The following POLI variants were observed in gnomAD, a reference collection of about 807,000 sequenced individuals.
POLI encodes the protein DNA polymerase iota.
Under a neutral mutation model 51.6 loss-of-function variants are expected in POLI, and 58 were observed. The ratio of observed to expected loss-of-function variants is 1.12; its 90% CI spans 0.91 to 1.40. The LOEUF (loss-of-function observed/expected upper bound fraction) is 1.40, where lower values mean the gene tolerates loss of function less well. Among genes scored for constraint, POLI ranks in the 40% most tolerant of loss-of-function variants. POLI has a pLI of 0.00. For synonymous variants in POLI, 322 were observed against 299.7 expected (o/e 1.07, Z -0.77); for missense variants, 921 against 871.3 (o/e 1.06, Z -0.72).
intron 8 of POLI, among the ~76,000 whole-genome samples, chr18:54,290,199 A>G (rs907446045): frequency 3.9e-5 from 6 of 152,248 alleles, no homozygotes; most frequent in African/African-American, 7.2e-5. Context: ...AAAAGAAGAC[A>G]TTTATGCTGC....
At chr18:54,298,700 C>T (rs1367601662), downstream of POLI, among the ~76,000 whole-genome samples, 1 of 148,814 alleles carries the variant, frequency 6.7e-6, no homozygotes, top group Non-Finnish European at 1.5e-5. Flanking sequence ...AAGTGATTCT[C>T]CTGCCTCAGC....
chr18:54,283,945 TA>T lies in POLI; in HGVS notation c.1005del (p.Lys335AsnfsTer20), dbSNP rs1555673456. ...AGTCCTTTAGTGAAGAAGATTCATT[TA>T]AAAAATGTTCATCTGAAGTTGAAGC... ...PQSFSEEDSF[K>X]KCSSEVEAKN... On this transcript the variant is annotated frameshift_variant, in exon 7 of 10. Coordinates refer to ENST00000579534, the MANE Select transcript of POLI (RefSeq NM_007195.3). LOFTEE classifies it high-confidence loss of function. The T allele has an allele frequency of 4.3e-6, 6 of 1,406,158 alleles. No homozygotes were observed. Among genetic ancestry groups the T allele is most frequent in the Non-Finnish European group, 6.0e-6 (6 of 1,000,606 alleles). 87.1% of individuals were successfully genotyped at this position (1,406,158 alleles called of 1,614,324 possible).
intron 7 of POLI, among the ~76,000 whole-genome samples, chr18:54,284,339 A>C (rs898666892): frequency 2.6e-5 from 4 of 152,208 alleles, no homozygotes; most frequent in African/African-American, 7.2e-5. Flanking sequence ...TGAGAAGAAG[A>C]AGTTTTAATT....
At chr18:54,286,396 T>C (rs558441922) in intron 7 of POLI, among the ~76,000 whole-genome samples, 107 of 152,258 alleles carry the variant, frequency 7.0e-4, no homozygotes, top group Middle Eastern at 3.4e-3. Context: ...TTCTAAAAAA[T>C]GCATGTACTC....
Position 54,287,330 on chromosome 18 carries a change from C to A in POLI, c.1117C>A (p.Arg373=). The A allele has an allele frequency of 1.3e-6, 2 of 1,588,824 alleles. No individual in the cohort carries two copies. The highest frequency in any genetic ancestry group is 1.7e-6 in the Non-Finnish European group (2 of 1,162,608). Residue 373 remains arginine, a synonymous_variant, in exon 8 of 10, where the codon CGG becomes AGG. Transcript: ENST00000579534. ...KPHTVRLIIR[R]YSSEKHYGRE... Reference sequence around the variant, plus strand: ...TCATACAGTGAGATTAATAATCCGTCGGTATTCCTCTGAGAAGCACTATGG... The same window carrying A: ...TCATACAGTGAGATTAATAATCCGTAGGTATTCCTCTGAGAAGCACTATGG...
chr18:54,270,023 T>C (rs935222913), intron 1 of POLI: 39 of 1,016,218 alleles, frequency 3.8e-5, no homozygotes, highest in Non-Finnish European at 4.4e-5. Context: ...TGTCGCTCAT[T>C]TGGCAGAAGG....
chr18:54,285,487 C>T (rs1224871459), intron 7 of POLI, among the ~76,000 whole-genome samples: 2 of 149,684 alleles, frequency 1.3e-5, no homozygotes, highest in African/African-American at 4.9e-5. Context: ...ATTATAACAC[C>T]ATCTAAGTGA....
Position 54,295,319 on chromosome 18 carries a change from A to T in POLI, c.*852A>T. The T allele has an allele frequency of 1.0e-6, 1 of 985,082 alleles. No individual in the cohort carries two copies. The highest frequency in any genetic ancestry group is 1.2e-6 in the Non-Finnish European group (1 of 829,588). The allele number at this position is 985,082 out of a possible 1,614,324, so 61.0% of individuals were successfully genotyped here. On this transcript the variant is annotated 3_prime_UTR_variant, in exon 10 of 10. Transcript: ENST00000579534. ...GGAGATGATATTAGGTTGTCATAAC[A>T]ACCACAAATATAGACCATTACTAAA...
chr18:54,278,948 C>A (rs2087371683), intron 4 of POLI, among the ~76,000 whole-genome samples: 1 of 152,174 alleles, frequency 6.6e-6, no homozygotes, highest in South Asian at 2.1e-4. Flanking sequence ...GCAGTAGAAC[C>A]ACAGTTTCTA....
chr18:54,287,248 A>G (rs1265368849), intron 7 of POLI, 33 bp from the exon 8 acceptor site: 1 of 1,460,544 alleles, frequency 6.8e-7, no homozygotes, highest in African/African-American at 1.4e-5. Flanking sequence ...ATACTTTTCT[A>G]ATTCCTTATT....
chr18:54,280,466 C>A (rs376770127), intron 4 of POLI, among the ~76,000 whole-genome samples: 12 of 152,092 alleles, frequency 7.9e-5, no homozygotes, highest in African/African-American at 2.7e-4. Flanking sequence ...CCCATTTGAC[C>A]CCACCTCCAA....
chr18:54,287,221 C>T, intron 7 of POLI, 60 bp from the exon 8 acceptor site: 2 of 1,224,072 alleles, frequency 1.6e-6, no homozygotes, highest in East Asian at 2.6e-5. Flanking sequence ...TGAGATGTTA[C>T]ATAATTTAAA....
At chr18:54,292,095 G>A (rs1202664485) in intron 9 of POLI, 57 bp downstream of exon 9, 4 of 1,033,412 alleles carry the variant, frequency 3.9e-6, no homozygotes, top group Admixed American at 2.1e-5. Context: ...GATTTGTGTG[G>A]TTACATTACA....
rs765506494 is a variant in POLI at position 54,269,566 on chromosome 18, A to G, written c.20A>G (p.Glu7Gly). 6 of 1,486,026 alleles carry G rather than the reference A, an allele frequency of 4.0e-6. No individual in the cohort carries two copies. The highest frequency in any genetic ancestry group is 3.5e-5 in the African/African-American group (2 of 56,466). 92.1% of individuals were successfully genotyped at this position (1,486,026 alleles called of 1,614,324 possible). A position where few individuals can be genotyped will look rare whatever the true frequency, so the allele number is the denominator to read the frequency against. The stretch of plus-strand genomic sequence containing the variant: ...GGCGGGATGGAGAAGCTGGGGGTGG[A>G]GCCGGAGGAGGAAGGCGGCGGCGAC... MEKLGVEPEEEGGGDDD... is the reference protein window; with the variant it reads MEKLGVGPEEEGGGDDD... Residue 7 changes from glutamate to glycine, a missense_variant, in exon 1 of 10, where the codon GAG becomes GGG. Physicochemically the swap from Glu to Gly is moderately conservative, Grantham distance 98. Transcript: ENST00000579534.
chr18:54,311,421 T>A (rs1437675123), intron 3 of POLI, among the ~76,000 whole-genome samples: 1 of 152,218 alleles, frequency 6.6e-6, no homozygotes, highest in Admixed American at 6.5e-5. Flanking sequence ...TATTGAATTT[T>A]AAAAAGTGGT....
At chr18:54,313,191 T>C (rs2088691828) in intron 3 of POLI, among the ~76,000 whole-genome samples, 1 of 152,202 alleles carries the variant, frequency 6.6e-6, no homozygotes, top group Admixed American at 6.5e-5. Context: ...CCCAGCACCA[T>C]GTATTGAATA....
At chr18:54,286,560 A>G (rs900576053) in intron 7 of POLI, among the ~76,000 whole-genome samples, 2 of 152,130 alleles carry the variant, frequency 1.3e-5, no homozygotes, top group East Asian at 1.9e-4. Context: ...TCGTAAGAAA[A>G]AAGTTTGAAA....
At chr18:54,318,043 G>A (rs2088756293) in intron 3 of POLI, among the ~76,000 whole-genome samples, 3 of 152,038 alleles carry the variant, frequency 2.0e-5, no homozygotes, top group East Asian at 1.9e-4. Flanking sequence ...GAACCTGGGT[G>A]TTTTATAATA....
chr18:54,302,128 C>T (rs1405781173), downstream of POLI, among the ~76,000 whole-genome samples: 1 of 152,076 alleles, frequency 6.6e-6, no homozygotes, highest in South Asian at 2.1e-4. Context: ...TCCTGATGTC[C>T]GTATCATTAG....
Sources: allele counts gnomAD v4.1 joint callset (sites outside exome capture counted in the v4.1 genomes callset), GRCh38; gene constraint gnomAD v4.1.1; transcripts MANE v1.5; gene names NCBI Gene and HGNC (gene_info 2026-07-23, HGNC 2026-07-21).